The following SOS1 variants were observed in gnomAD, a reference collection of about 807,000 sequenced individuals.
The protein encoded by SOS1 is SOS Ras/Rac guanine nucleotide exchange factor 1, also known as son of sevenless homolog 1.
In SOS1, 25 loss-of-function variants were observed where a neutral mutation model predicts 157.6. The observed-to-expected ratio is 0.16, with a 90% CI of 0.12 to 0.22. SOS1 has a LOEUF of 0.22. SOS1 is among the 10% of genes least tolerant of loss of function. The pLI, the probability that SOS1 is intolerant of heterozygous loss-of-function variation, is 1.00. For synonymous variants in SOS1, 528 were observed against 534.0 expected, an observed-to-expected ratio of 0.99 and a Z score of 0.16; for missense variants, 1,237 against 1,599.1, an observed-to-expected ratio of 0.77 and a Z score of 3.86.
At chr2:39,117,028 CTTTTT>C (rs530087122) in intron 1 of SOS1, among the ~76,000 whole-genome samples, 4 of 138,578 alleles carry the variant, frequency 2.9e-5, no homozygotes, top group African/African-American at 5.3e-5. Context: ...ATGTCATTTA[CTTTTT>C]TTTTTTTTTT....
At chr2:39,006,351 A>G in intron 17 of SOS1, 61 bp downstream of exon 17, 1 of 845,198 alleles carries the variant, frequency 1.2e-6, no homozygotes. Flanking sequence ...TCAGTCATTT[A>G]ATGAAATGAG....
At chr2:39,058,094 C>G (rs995147541) in intron 3 of SOS1, among the ~76,000 whole-genome samples, 22 of 151,902 alleles carry the variant, frequency 1.4e-4, no homozygotes, top group Non-Finnish European at 4.4e-5. Context: ...ATTATAATAC[C>G]TATATTTTTG....
intron 5 of SOS1, among the ~76,000 whole-genome samples, chr2:39,053,374 C>G (rs545431421): frequency 2.0e-5 from 3 of 152,194 alleles, no homozygotes; most frequent in East Asian, 3.9e-4. Context: ...TGTTGAACAC[C>G]TTTTGATGTG....
chr2:38,992,054 T>C (rs1195202181), intron 20 of SOS1, among the ~76,000 whole-genome samples: 1 of 152,220 alleles, frequency 6.6e-6, no homozygotes, highest in Non-Finnish European at 1.5e-5. Context: ...GGATGACATA[T>C]GACTGCAGTC....
chr2:39,073,593 C>CTAGTA (rs1671861196), intron 1 of SOS1, among the ~76,000 whole-genome samples: 2 of 152,162 alleles, frequency 1.3e-5, no homozygotes, highest in African/African-American at 4.8e-5. Flanking sequence ...TCTATCTTGA[C>CTAGTA]AGTTCATTTT....
chr2:39,034,972 AT>A, intron 8 of SOS1: 1 of 572,136 alleles, frequency 1.7e-6, no homozygotes, highest in Non-Finnish European at 3.2e-6. Context: ...AAAACCAAAA[AT>A]AAAAAAAAGA....
chr2:38,997,588 T>C (rs1255076550), intron 17 of SOS1, among the ~76,000 whole-genome samples, 163 bp from the exon 18 acceptor site: 1 of 141,372 alleles, frequency 7.1e-6, no homozygotes, highest in Non-Finnish European at 1.5e-5. Context: ...TAAGAGAAAG[T>C]ATCTGTGAAA....
intron 1 of SOS1, among the ~76,000 whole-genome samples, chr2:39,118,941 G>C (rs1673761753): frequency 6.6e-6 from 1 of 152,090 alleles, no homozygotes; most frequent in African/African-American, 2.4e-5. Context: ...GATTCCCCTG[G>C]GAAAGGAGCT....
upstream of SOS1, among the ~76,000 whole-genome samples, chr2:39,123,246 C>A (rs764099749): frequency 2.0e-5 from 3 of 152,016 alleles, no homozygotes; most frequent in Non-Finnish European, 4.4e-5. Context: ...ACCTTATGTT[C>A]TTTTTATTTC....
chr2:39,093,910 T>G (rs1672679456), intron 1 of SOS1, among the ~76,000 whole-genome samples: 1 of 152,240 alleles, frequency 6.6e-6, no homozygotes, highest in African/African-American at 2.4e-5. Context: ...CTACCACTTG[T>G]GGGGTTTGAC....
At chr2:39,019,904 T>C (rs1472005671) in intron 10 of SOS1, among the ~76,000 whole-genome samples, 3 of 151,384 alleles carry the variant, frequency 2.0e-5, no homozygotes, top group Non-Finnish European at 1.5e-5. Context: ...AAGCCATTTA[T>C]ATTATTGGCA....
At chr2:39,004,918 C>T (rs1025891985) in intron 17 of SOS1, among the ~76,000 whole-genome samples, 28 of 151,962 alleles carry the variant, frequency 1.8e-4, no homozygotes, top group African/African-American at 6.8e-4. Flanking sequence ...CTTTGTCATA[C>T]ACTTGATGGC....
Position 38,995,407 on chromosome 2 carries a change from A to C in SOS1, c.3082-20T>G. The C allele has an allele frequency of 6.2e-7, 1 of 1,603,920 alleles. No homozygotes were observed. Among genetic ancestry groups the C allele is most frequent in the African/African-American group, 1.3e-5 (1 of 74,838 alleles). Reference sequence around the variant, plus strand: ...TTTTGGCTGTAGACATATCAAAAGAAACACAATACTTTAAACACTGTAGTA... The same window carrying C: ...TTTTGGCTGTAGACATATCAAAAGACACACAATACTTTAAACACTGTAGTA... On this transcript the variant is annotated intron_variant, in intron 19 of 22. Transcript: ENST00000402219.
intron 1 of SOS1, among the ~76,000 whole-genome samples, chr2:39,116,860 A>C (rs1212182622): frequency 6.6e-6 from 1 of 151,982 alleles, no homozygotes; most frequent in Non-Finnish European, 1.5e-5. Context: ...CAAACAAAAC[A>C]AAAACAAACA....
chr2:38,987,552 G>A lies in SOS1; in HGVS notation c.3431C>T (p.Thr1144Ile), dbSNP rs775259671. The change falls in exon 22 of 23, where the codon ACT becomes ATT. Residue 1144 changes from threonine (T) to isoleucine (I), a missense_variant. Coordinates refer to ENST00000402219, the MANE Select transcript of SOS1 (RefSeq NM_005633.4). Reference sequence around the variant, plus strand: ...AGGAGGAGGGACAGGCACTTCATCAGTGCCTTTGGTTAAACTTATAGATGA... The same window carrying A: ...AGGAGGAGGGACAGGCACTTCATCAATGCCTTTGGTTAAACTTATAGATGA... ...SVSSISLTKG[T>I]DEVPVPPPVP... The A allele has an allele frequency of 6.2e-7, 1 of 1,601,850 alleles. No homozygotes were observed. Among genetic ancestry groups the A allele is most frequent in the Non-Finnish European group, 8.5e-7 (1 of 1,170,652 alleles).
In SOS1 at chr2:39,069,190, CAAAAAAAAAAAAAAAAAA is replaced by C. The variant is rs869178369; in HGVS notation, c.88-1455_88-1438del. The stretch of plus-strand genomic sequence containing the variant: ...GGGAAAACCTGTCTCTACCAAAAAG[CAAAAAAAAAAAAAAAAAA>C]AAAAAAAAAAAAAAAAGCCCAGTAG... On this transcript the variant is annotated intron_variant, in intron 1 of 22. Coordinates refer to ENST00000402219, the MANE Select transcript of SOS1 (RefSeq NM_005633.4). 8.1e-3 allele frequency among the ~76,000 whole-genome samples: 377 copies of C among 46,790 alleles called. 5 individuals carry two copies. Among genetic ancestry groups the C allele is most frequent in the African/African-American group, 0.024 (360 of 14,750 alleles). The allele number at this position is 46,790 out of a possible 152,430, so 30.7% of individuals were successfully genotyped here.
chr2:39,067,540 G>C (rs753336657), intron 2 of SOS1, 88 bp downstream of exon 2: 11 of 1,182,468 alleles, frequency 9.3e-6, no homozygotes, highest in East Asian at 2.4e-5. Context: ...CATATATATA[G>C]AGAGAGCAAA....
In SOS1 at chr2:39,022,763, A is replaced by G. The variant is rs1179463609; in HGVS notation, c.1665T>C (p.Asp555=). ...QYRSTLERML[D]VTMLQEEKEE... is the part of the protein sequence containing the mutation. Reference sequence around the variant, plus strand: ...CTTTCTCTTCCTGTAGCATTGTTACATCAAGCATCCTTTCCAGTGTACTCC... The same window carrying G: ...CTTTCTCTTCCTGTAGCATTGTTACGTCAAGCATCCTTTCCAGTGTACTCC... The change falls in exon 10 of 23, where the codon GAT becomes GAC. Residue 555 remains aspartate, a synonymous_variant. Transcript: ENST00000402219. 4.3e-6 allele frequency: 7 copies of G among 1,613,640 alleles called. No homozygotes were observed. Among genetic ancestry groups the G allele is most frequent in the Non-Finnish European group, 5.1e-6 (6 of 1,179,728 alleles).
At chr2:39,004,217 C>T (rs997754390) in intron 17 of SOS1, among the ~76,000 whole-genome samples, 1 of 151,842 alleles carries the variant, frequency 6.6e-6, no homozygotes, top group Non-Finnish European at 1.5e-5. Flanking sequence ...AGATCAAGAC[C>T]ATCTTGGCTA....
Sources: allele counts gnomAD v4.1 joint callset (sites outside exome capture counted in the v4.1 genomes callset), GRCh38; gene constraint gnomAD v4.1.1; transcripts MANE v1.5; gene names NCBI Gene and HGNC (gene_info 2026-07-23, HGNC 2026-07-21).